Variants in PLXNB2 observed in about 807,000 individuals in gnomAD.
The protein encoded by PLXNB2 is plexin B2.
In PLXNB2, 85 loss-of-function variants were observed where a neutral mutation model predicts 202.6. That is an observed-to-expected ratio of 0.42 (90% confidence interval 0.35 to 0.50). The LOEUF (loss-of-function observed/expected upper bound fraction) is 0.50, where lower values mean the gene tolerates loss of function less well. PLXNB2 is among the 20% of genes least tolerant of loss of function. PLXNB2 has a pLI of 0.02. For missense variants in PLXNB2, 2,063 were observed against 2,586.2 expected, an observed-to-expected ratio of 0.80 and a Z score of 4.39; for synonymous variants, 1,239 against 1,137.6, an observed-to-expected ratio of 1.09 and a Z score of -1.79.
rs955437644 is a variant in PLXNB2 at position 50,279,839 on chromosome 22, G to A, written c.4243-63C>T. ...ACTTGGGGCCTGGAAGGGGCCCCCG[G>A]AGCCCTGGCCAGAGGCATGGACGGG... On this transcript the variant is annotated intron_variant, in intron 26 of 36. Coordinates refer to ENST00000359337, the MANE Select transcript of PLXNB2 (RefSeq NM_012401.4). 6 of 1,591,300 alleles carry A rather than the reference G, an allele frequency of 3.8e-6. No individual in the cohort carries two copies. The Admixed American group carries it at 5.1e-5, about 13-fold the overall frequency.
Position 50,288,753 on chromosome 22 carries a change from G to C in PLXNB2, c.1370C>G (p.Thr457Ser). Residue 457 changes from threonine to serine, a missense_variant, in exon 5 of 37, where the codon ACC (threonine) becomes AGC (serine). By Grantham distance (58) the Thr-to-Ser change is moderately conservative. Coordinates refer to ENST00000359337, the MANE Select transcript of PLXNB2 (RefSeq NM_012401.4). This position sits in a 1 kb window ranked among gnomAD's most constrained non-coding sequence, Gnocchi z 5.0. Reference protein sequence around the residue: ...SGDLGSLYAMTQDKVFRLPVQ... With the variant: ...SGDLGSLYAMSQDKVFRLPVQ... ...CTGCGTCTGGCTCACCTTGTCCTGG[G>C]TCATGGCGTACAGGCTGCCCAGGTC... The C allele has an allele frequency of 8.1e-6, 13 of 1,613,012 alleles. No individual in the cohort carries two copies. The highest frequency in any genetic ancestry group is 2.7e-5 in the African/African-American group (2 of 75,062).
Position 50,290,368 on chromosome 22 carries a change from G to C in PLXNB2, c.217C>G (p.Leu73Val), listed in dbSNP as rs1310856490. Residue 73 changes from leucine to valine, a missense_variant, in exon 3 of 37, where the codon CTG becomes GTG. Leu to Val is a conservative substitution (Grantham distance 32, BLOSUM62 1). Around this residue, in one of 2 missense-constraint regions of PLXNB2, gnomAD observed 1,303 missense variants for 1,476.8 expected, o/e 0.88. Transcript: ENST00000359337. ...LEQQVATGPALDNKKCTPPIE... is the reference protein window; with the variant it reads ...LEQQVATGPAVDNKKCTPPIE... ...GGCGGCGTGCACTTCTTGTTGTCCA[G>C]GGCCGGGCCCGTGGCCACCTGCTGC... The C allele has an allele frequency of 6.2e-7, 1 of 1,612,852 alleles. No homozygotes were observed. The highest frequency in any genetic ancestry group is 8.5e-7 in the Non-Finnish European group (1 of 1,179,982).
At chr22:50,307,472 C>G (rs1227282355) in intron 1 of PLXNB2, 81 bp downstream of exon 1, 2 of 805,604 alleles carry the variant, frequency 2.5e-6, no homozygotes, top group Non-Finnish European at 3.0e-6. Context: ...GCGGCAGGCC[C>G]GGGCGGAGCG....
chr22:50,306,957 G>A (rs2067906041), intron 1 of PLXNB2, among the ~76,000 whole-genome samples: 1 of 152,218 alleles, frequency 6.6e-6, no homozygotes, highest in Non-Finnish European at 1.5e-5. Flanking sequence ...GGGTGCGGAG[G>A]GGCAGGGTCA....
chr22:50,276,847 C>T lies in PLXNB2; in HGVS notation c.5256G>A (p.Val1752=). ...AKEISTYKKM[V]EDYYKGIRQM... ...TGGAGGGCAGGCAGACTTACTCCTC[C>T]ACCATCTTCTTGTAGGTGGAGATCT... The change falls in exon 34 of 37, where the codon GTG becomes GTA. Residue 1752 remains valine (V), a synonymous_variant. Coordinates refer to ENST00000359337, the MANE Select transcript of PLXNB2 (RefSeq NM_012401.4). 1 of 1,607,540 alleles carries T rather than the reference C, an allele frequency of 6.2e-7. No homozygotes were observed. Among genetic ancestry groups the T allele is most frequent in the East Asian group, 2.2e-5 (1 of 44,724 alleles).
At chr22:50,306,050 T>TC (rs1569187559) in intron 1 of PLXNB2, among the ~76,000 whole-genome samples, 2 of 152,220 alleles carry the variant, frequency 1.3e-5, no homozygotes, top group African/African-American at 4.8e-5. Context: ...CGGAAGTGGA[T>TC]CCTTCTCCCA....
Position 50,280,058 on chromosome 22 carries a change from CCA to C in PLXNB2, c.4187_4188del (p.Val1396GlyfsTer61). 6.2e-7 allele frequency: 1 copy of C among 1,609,154 alleles called. No homozygotes were observed. The highest frequency in any genetic ancestry group is 8.5e-7 in the Non-Finnish European group (1 of 1,177,762). The part of the protein sequence containing the change: ...PKLMLRRSET[V>X]VERMLSNWMS... Reference sequence around the variant, plus strand: ...ATCCAGTTGGACAGCATCCTCTCCACCACAGTCTCAGACCTGGGGGTGCAGGG... The same window carrying C: ...ATCCAGTTGGACAGCATCCTCTCCACCAGTCTCAGACCTGGGGGTGCAGGG... On this transcript the variant is annotated frameshift_variant, in exon 26 of 37. Transcript: ENST00000359337. LOFTEE classifies it high-confidence loss of function.
rs201521733 is a variant in PLXNB2 at position 50,284,584 on chromosome 22, G to A, written c.2170C>T (p.Arg724Trp). 1.6e-4 allele frequency: 252 copies of A among 1,601,634 alleles called. No homozygotes were observed. Among genetic ancestry groups the A allele is most frequent in the Non-Finnish European group, 2.0e-4 (236 of 1,175,678 alleles). ...CCCTGGAGCCGTACCTTTGGGGTCC[G>A]AAAGGCGAAGGTCCCAGATTCCTGC... ...TMQESGTFAF[R>W]TPKLSHDANE... is the part of the protein sequence containing the mutation. The change falls in exon 12 of 37, where the codon CGG becomes TGG. Residue 724 changes from arginine to tryptophan, a missense_variant. Coordinates refer to ENST00000359337, the MANE Select transcript of PLXNB2 (RefSeq NM_012401.4). The surrounding 1 kb of genome is among the most constrained non-coding windows in gnomAD (Gnocchi z 8.0).
chr22:50,287,401 A>C, intron 7 of PLXNB2, 137 bp from the exon 8 acceptor site: 1 of 1,030,924 alleles, frequency 9.7e-7, no homozygotes, highest in South Asian at 1.7e-5. Flanking sequence ...CTTCCAATAC[A>C]GGCCTCTCTG....
At position 50,289,854 on chromosome 22, in the gene PLXNB2, G is replaced by C; in HGVS notation, c.731C>G (p.Thr244Arg). The change falls in exon 3 of 37, where the codon ACG (threonine) becomes AGG (arginine). Residue 244 changes from threonine (T) to arginine (R), a missense_variant. Around this residue, in one of 2 missense-constraint regions of PLXNB2, gnomAD observed 1,303 missense variants for 1,476.8 expected, o/e 0.88. Coordinates refer to ENST00000359337, the MANE Select transcript of PLXNB2 (RefSeq NM_012401.4). The surrounding 1 kb of genome is among the most constrained non-coding windows in gnomAD (Gnocchi z 8.0). Reference sequence around the variant, plus strand: ...TTCTCTGCACATGCGTGCCAGCAGCGTGCGGTTCCGGGCCGGGTGCTTGTC... The same window carrying C: ...TTCTCTGCACATGCGTGCCAGCAGCCTGCGGTTCCGGGCCGGGTGCTTGTC... ...QQDKHPARNR[T>R]LLARMCREDP... 6.2e-7 allele frequency: 1 copy of C among 1,613,282 alleles called. No individual in the cohort carries two copies. Among genetic ancestry groups the C allele is most frequent in the Non-Finnish European group, 8.5e-7 (1 of 1,180,034 alleles).
chr22:50,298,781 G>C (rs1255943585), intron 1 of PLXNB2, among the ~76,000 whole-genome samples: 1 of 152,198 alleles, frequency 6.6e-6, no homozygotes, highest in Admixed American at 6.5e-5. Flanking sequence ...CAGTAGCTGG[G>C]ACTACAGGTG....
intron 1 of PLXNB2, among the ~76,000 whole-genome samples, chr22:50,302,929 A>C (rs569242894): frequency 5.3e-5 from 8 of 152,158 alleles, no homozygotes; most frequent in Non-Finnish European, 7.4e-5. Flanking sequence ...CTCTGAAAAC[A>C]CACCTGACAG....
In PLXNB2 at chr22:50,283,838, TG is replaced by T; in HGVS notation, c.2415del (p.Thr806ProfsTer56). 6.2e-7 allele frequency: 1 copy of T among 1,610,184 alleles called. No homozygotes were observed. The highest frequency in any genetic ancestry group is 8.5e-7 in the Non-Finnish European group (1 of 1,177,842). ...NTTSECPPPV[I>X]TRIQPETGPL... is the part of the protein sequence containing the mutation. ...CCAGGCTTCGAGGGGCTCACCCTGG[TG>T]ATGACGGGCGGCGGGCACTCGGAGG... On this transcript the variant is annotated frameshift_variant, in exon 14 of 37. Coordinates refer to ENST00000359337, the MANE Select transcript of PLXNB2 (RefSeq NM_012401.4). LOFTEE classifies it high-confidence loss of function.
chr22:50,279,162 T>G, intron 27 of PLXNB2, 151 bp from the exon 28 acceptor site: 2 of 744,398 alleles, frequency 2.7e-6, no homozygotes, highest in Non-Finnish European at 4.3e-6. Flanking sequence ...CCCCGAGGCT[T>G]CCCAGATGAC....
At position 50,281,654 on chromosome 22, in the gene PLXNB2, G is replaced by A. The variant is rs1244964018; in HGVS notation, c.3434C>T (p.Thr1145Ile). ...ERCTMKTLTE[T>I]DLYCEPPEVQ... The stretch of plus-strand genomic sequence containing the variant: ...CTCCGGGGGCTCACAGTACAGGTCG[G>A]TCTCCGTCAGCGTCTTCATGGTGCA... The change falls in exon 21 of 37, where the codon ACC (threonine) becomes ATC (isoleucine). Residue 1145 changes from threonine (T) to isoleucine (I), a missense_variant. Physicochemically the swap from Thr to Ile is moderately conservative, Grantham distance 89. This residue lies in a region of PLXNB2 where 760 missense variants were observed against 1,109.4 expected (regional missense o/e 0.69). Coordinates refer to ENST00000359337, the MANE Select transcript of PLXNB2 (RefSeq NM_012401.4). The A allele has an allele frequency of 3.1e-6, 5 of 1,593,042 alleles. No homozygotes were observed. Among genetic ancestry groups the A allele is most frequent in the Non-Finnish European group, 4.3e-6 (5 of 1,168,222 alleles).
intron 18 of PLXNB2, 23 bp from the exon 19 acceptor site, chr22:50,282,336 G>A: frequency 6.4e-6 from 10 of 1,573,996 alleles, no homozygotes; most frequent in Non-Finnish European, 8.6e-6. Flanking sequence ...GTGCCTTCGT[G>A]GGCTCGGCTG....
Position 50,297,556 on chromosome 22 carries a change from G to A in PLXNB2, c.-73-2778C>T, listed in dbSNP as rs1237464366. On this transcript the variant is annotated intron_variant, in intron 1 of 36. Coordinates refer to ENST00000359337, the MANE Select transcript of PLXNB2 (RefSeq NM_012401.4). This position sits in a 1 kb window ranked among gnomAD's most constrained non-coding sequence, Gnocchi z 5.3. The stretch of plus-strand genomic sequence containing the variant: ...TGGCCCAAGTCTACCTCCTCTGCCC[G>A]GCCTCTGGCTTCTCCCACCTCCATC... Among the ~76,000 whole-genome samples the A allele has an allele frequency of 4.6e-5, 7 of 152,102 alleles. No individual in the cohort carries two copies. Among genetic ancestry groups the A allele is most frequent in the South Asian group, 2.1e-4 (1 of 4,822 alleles).
Position 50,288,726 on chromosome 22 carries a change from G to A in PLXNB2, c.1380+17C>T. The A allele has an allele frequency of 1.9e-6, 3 of 1,612,304 alleles. No individual in the cohort carries two copies. The highest frequency in any genetic ancestry group is 2.5e-6 in the Non-Finnish European group (3 of 1,179,778). ...ACACTTGGCCTAGAGTGCTCTCCGGGGCTGCGTCTGGCTCACCTTGTCCTG... is the reference window on the plus strand; with the variant it reads ...ACACTTGGCCTAGAGTGCTCTCCGGAGCTGCGTCTGGCTCACCTTGTCCTG... On this transcript the variant is annotated intron_variant, in intron 5 of 36. Transcript: ENST00000359337. This position sits in a 1 kb window ranked among gnomAD's most constrained non-coding sequence, Gnocchi z 5.0.
In PLXNB2 at chr22:50,284,863, C is replaced by A. The variant is rs780112941; in HGVS notation, c.2089-198G>T. ...CAAACACCTGTGTCTGCAGAAGCCTCTGAACGTCCTCTGTGGGTTTCCCAC... is the reference window on the plus strand; with the variant it reads ...CAAACACCTGTGTCTGCAGAAGCCTATGAACGTCCTCTGTGGGTTTCCCAC... On this transcript the variant is annotated intron_variant, in intron 11 of 36. Coordinates refer to ENST00000359337, the MANE Select transcript of PLXNB2 (RefSeq NM_012401.4). This position sits in a 1 kb window ranked among gnomAD's most constrained non-coding sequence, Gnocchi z 8.0. The A allele has an allele frequency of 2.7e-5, 19 of 702,132 alleles. No homozygotes were observed. The highest frequency in any genetic ancestry group is 8.0e-6 in the Non-Finnish European group (3 of 374,000). 43.5% of individuals were successfully genotyped at this position (702,132 alleles called of 1,614,324 possible).
Sources: gnomAD v4.1 joint callset for allele counts (sites outside exome capture counted in the v4.1 genomes callset) on GRCh38, gnomAD v4.1.1 for gene constraint, gnomAD v4.1.1 regional missense constraint, Gnocchi (gnomAD v3.1) non-coding constraint, MANE v1.5 for transcripts, NCBI Gene and HGNC (gene_info 2026-07-23, HGNC 2026-07-21) for gene names.